RBFOX3: variants seen among roughly 807,000 people sequenced by gnomAD.
RBFOX3 encodes the protein RNA binding fox-1 homolog 3.
A neutral mutation model predicts 48.7 loss-of-function variants in RBFOX3; 17 were observed. The observed-to-expected ratio is 0.35, with a 90% CI of 0.24 to 0.52. The LOEUF (loss-of-function observed/expected upper bound fraction) is 0.52. Among genes scored for constraint, RBFOX3 ranks in the 20% least tolerant of loss-of-function variants. RBFOX3 has a pLI of 0.94. For missense variants in RBFOX3, 382 were observed against 497.5 expected, an observed-to-expected ratio of 0.77 and a Z score of 2.21; for synonymous variants, 212 against 209.5, an observed-to-expected ratio of 1.01 and a Z score of -0.10.
intron 1 of RBFOX3, among the ~76,000 whole-genome samples, chr17:79,554,178 T>G (rs1003337868): frequency 5.3e-5 from 8 of 152,242 alleles, no homozygotes; most frequent in Admixed American, 1.3e-4. Flanking sequence ...CTTCTACTTT[T>G]CTTCAGTGCA....
intron 3 of RBFOX3, among the ~76,000 whole-genome samples, chr17:79,295,266 T>C (rs965168826): frequency 1.3e-5 from 2 of 152,316 alleles, no homozygotes; most frequent in Non-Finnish European, 2.9e-5. Flanking sequence ...TTAAAGGCAA[T>C]CCTGCCTGCC....
chr17:79,541,706 C>T (rs1555790375), intron 1 of RBFOX3, among the ~76,000 whole-genome samples: 1 of 152,244 alleles, frequency 6.6e-6, no homozygotes, highest in South Asian at 2.1e-4. Context: ...CCCACCCCGG[C>T]TCCTGGCAAG....
At chr17:79,138,088 C>T (rs1351347142) in intron 4 of RBFOX3, among the ~76,000 whole-genome samples, 5 of 152,192 alleles carry the variant, frequency 3.3e-5, no homozygotes, top group South Asian at 2.1e-4. Context: ...GGACAAGGCA[C>T]GCTCGTGGGC....
intron 4 of RBFOX3, among the ~76,000 whole-genome samples, chr17:79,172,982 G>A (rs2049683391): frequency 6.6e-6 from 1 of 152,196 alleles, no homozygotes; most frequent in African/African-American, 2.4e-5. Flanking sequence ...GCCGAGGTGG[G>A]TGGATCACCT....
chr17:79,111,440 A>ATC lies in RBFOX3; in HGVS notation c.222+4052_222+4053dup, dbSNP rs979700689. Among the ~76,000 whole-genome samples, 1 of 151,804 alleles carries ATC rather than the reference A, an allele frequency of 6.6e-6. No homozygotes were observed. Among genetic ancestry groups the ATC allele is most frequent in the African/African-American group, 2.4e-5 (1 of 41,290 alleles). ...TGGCATTTTTTTTATCTGCGTGCTA[A>ATC]TCTCTCTCTCTTTTTCTCAGAGTTT... On this transcript the variant is annotated intron_variant, in intron 5 of 14. Coordinates refer to ENST00000693108, the MANE Select transcript of RBFOX3 (RefSeq NM_001350451.2). The surrounding 1 kb of genome is among the most constrained non-coding windows in gnomAD (Gnocchi z 4.2).
At chr17:79,552,184 T>C (rs1461111967) in intron 1 of RBFOX3, among the ~76,000 whole-genome samples, 1 of 152,156 alleles carries the variant, frequency 6.6e-6, no homozygotes, top group Non-Finnish European at 1.5e-5. Context: ...ACAGAGAATA[T>C]GGCATAGTAA....
intron 4 of RBFOX3, among the ~76,000 whole-genome samples, chr17:79,152,760 G>A (rs759201885): frequency 2.6e-5 from 4 of 152,226 alleles, no homozygotes; most frequent in Admixed American, 6.5e-5. Context: ...AAAGGAGGCA[G>A]GGCCAGAGGC....
At chr17:79,406,954 G>A (rs997142928) in intron 2 of RBFOX3, among the ~76,000 whole-genome samples, 1 of 152,242 alleles carries the variant, frequency 6.6e-6, no homozygotes, top group Non-Finnish European at 1.5e-5. Flanking sequence ...CTATGGTGGA[G>A]AGAGAGGTGA....
chr17:79,515,220 T>C (rs1162970362), intron 1 of RBFOX3, among the ~76,000 whole-genome samples: 1 of 152,196 alleles, frequency 6.6e-6, no homozygotes, highest in Non-Finnish European at 1.5e-5. Flanking sequence ...AGCAGAGCCC[T>C]GCTCTGGTGA....
rs1307479794 is a variant in RBFOX3, at chr17:79,608,824, C to CG, written c.-320+2001dup. Among the ~76,000 whole-genome samples the CG allele has an allele frequency of 5.0e-5, 7 of 140,762 alleles. No individual in the cohort carries two copies. The East Asian group carries it at 7.5e-4, about 15-fold the overall frequency. 92.3% of individuals were successfully genotyped at this position (140,762 alleles called of 152,430 possible). ...AAGGCCTCCAGTCCTGGGGGAGGGG[C>CG]GGGGGGGCCAGCCTCGGTCCTCGGC... On this transcript the variant is annotated intron_variant, in intron 1 of 14. Transcript: ENST00000693108.
intron 2 of RBFOX3, among the ~76,000 whole-genome samples, chr17:79,379,971 G>A (rs1401397312): frequency 6.6e-6 from 1 of 152,002 alleles, no homozygotes; most frequent in African/African-American, 2.4e-5. Flanking sequence ...CTCCCTCCCT[G>A]TCCGCACATC....
In RBFOX3 at chr17:79,267,848, A is replaced by G. The variant is rs529805949; in HGVS notation, c.-73-32043T>C. ...ACCTGGGCGTGTCAACTGGCAAGGT[A>G]GAAGGAGGAGGAGCTAGGAACGCGC... is the stretch of plus-strand genomic sequence containing the variant. On this transcript the variant is annotated intron_variant, in intron 3 of 14. Transcript: ENST00000693108. 2.5e-3 allele frequency among the ~76,000 whole-genome samples: 382 copies of G among 152,246 alleles called. 1 individual carries two copies. The highest frequency in any genetic ancestry group is 8.5e-3 in the African/African-American group (354 of 41,544).
chr17:79,571,700 G>A (rs982953055), intron 1 of RBFOX3, among the ~76,000 whole-genome samples: 2 of 152,252 alleles, frequency 1.3e-5, no homozygotes, highest in Middle Eastern at 3.4e-3. Flanking sequence ...CACCAAGCAA[G>A]GGTGGTGGGT....
intron 13 of RBFOX3, 40 bp from the exon 14 acceptor site, chr17:79,094,569 G>A: frequency 1.4e-6 from 1 of 706,982 alleles, no homozygotes; most frequent in South Asian, 2.2e-5. Flanking sequence ...AGGAGGGTGG[G>A]GGAGGGGGGC....
At chr17:79,335,323 T>C (rs1171688893) in intron 2 of RBFOX3, among the ~76,000 whole-genome samples, 4 of 152,254 alleles carry the variant, frequency 2.6e-5, no homozygotes, top group African/African-American at 9.6e-5. Flanking sequence ...GCATGTGCCT[T>C]CTTTCACCCT....
At position 79,610,827 on chromosome 17, in the gene RBFOX3, GGCTCAGC is replaced by G. The variant is rs1283549081; in HGVS notation, c.-328_-322del. 6.6e-6 allele frequency among the ~76,000 whole-genome samples: 1 copy of G among 151,932 alleles called. No homozygotes were observed. The highest frequency in any genetic ancestry group is 1.5e-5 in the Non-Finnish European group (1 of 67,954). On this transcript the variant is annotated splice_region_variant and 5_prime_UTR_variant, in exon 1 of 15. The change abolishes the stop of an existing upstream ORF in the 5' untranslated region. Transcript: ENST00000693108. ...GGGCGACGAGGCCAGGCTACTCACGGGCTCAGCGCTCCCCGCGGCAGGTGACTGGGGG... is the reference window on the plus strand; with the variant it reads ...GGGCGACGAGGCCAGGCTACTCACGGGCTCCCCGCGGCAGGTGACTGGGGG...
At chr17:79,265,553 T>C (rs2066550000) in intron 3 of RBFOX3, among the ~76,000 whole-genome samples, 1 of 152,220 alleles carries the variant, frequency 6.6e-6, no homozygotes, top group Admixed American at 6.5e-5. Flanking sequence ...GAGAGTCTGA[T>C]TTCCTTTTAG....
intron 1 of RBFOX3, among the ~76,000 whole-genome samples, chr17:79,540,276 G>C (rs2089483475): frequency 6.6e-6 from 1 of 152,250 alleles, no homozygotes; most frequent in Non-Finnish European, 1.5e-5. Context: ...AACTCATCCT[G>C]CTGAGAGACC....
the RBFOX3 span, among the ~76,000 whole-genome samples, chr17:79,651,983 A>C: frequency 6.6e-6 from 1 of 151,018 alleles, no homozygotes; most frequent in East Asian, 2.0e-4. Context: ...TTGGGAGCAG[A>C]TCCTTCATCC....
Sources: allele counts gnomAD v4.1 joint callset (sites outside exome capture counted in the v4.1 genomes callset), GRCh38; gene constraint gnomAD v4.1.1; non-coding constraint Gnocchi (gnomAD v3.1); transcripts MANE v1.5; gene names NCBI Gene and HGNC (gene_info 2026-07-23, HGNC 2026-07-21).